Variants in PTPRN2 observed in about 807,000 individuals in gnomAD.
PTPRN2 encodes the protein protein tyrosine phosphatase receptor type N2, also known as receptor-type tyrosine-protein phosphatase N2.
Under a neutral mutation model 118.8 loss-of-function variants are expected in PTPRN2, and 74 were observed. That is an observed-to-expected ratio of 0.62 (90% CI 0.52 to 0.76). The LOEUF is 0.76. Among genes scored for constraint, PTPRN2 ranks in the 30% least tolerant of loss-of-function variants. The pLI, the probability that PTPRN2 is intolerant of heterozygous loss-of-function variation, is 0.00. For missense variants in PTPRN2, 1,481 were observed against 1,394.4 expected, an observed-to-expected ratio of 1.06 and a Z score of -0.99; for synonymous variants, 641 against 608.0, an observed-to-expected ratio of 1.05 and a Z score of -0.80.
intron 12 of PTPRN2, among the ~76,000 whole-genome samples, chr7:157,757,522 G>A (rs939938343): frequency 1.3e-4 from 20 of 152,066 alleles, no homozygotes; most frequent in African/African-American, 4.8e-4. Context: ...TTTGGATACG[G>A]GCAGAGGAAG....
At chr7:158,209,337 T>C (rs990249196) in intron 3 of PTPRN2, among the ~76,000 whole-genome samples, 1 of 151,362 alleles carries the variant, frequency 6.6e-6, no homozygotes, top group African/African-American at 2.4e-5. Context: ...AAATATAGAC[T>C]AAAAAGAAAG....
chr7:157,570,153 G>A (rs1000976130), intron 20 of PTPRN2, among the ~76,000 whole-genome samples: 1 of 152,252 alleles, frequency 6.6e-6, no homozygotes, highest in Non-Finnish European at 1.5e-5. Context: ...AGAGGCGGTC[G>A]GCCTGGGCCG....
intron 5 of PTPRN2, among the ~76,000 whole-genome samples, chr7:158,189,439 C>T (rs377084252): frequency 4.3e-4 from 65 of 152,362 alleles, no homozygotes; most frequent in East Asian, 1.9e-3. Context: ...GGTGACGACT[C>T]GCTCACTGGC....
At chr7:157,765,874 ATTACT>A (rs1802437826) in intron 12 of PTPRN2, among the ~76,000 whole-genome samples, 1 of 70,054 alleles carries the variant, frequency 1.4e-5, no homozygotes, top group African/African-American at 7.8e-5. Context: ...TCCATCCATC[ATTACT>A]CCATCCATCC....
intron 12 of PTPRN2, among the ~76,000 whole-genome samples, chr7:157,800,977 A>G (rs886938305): frequency 6.6e-6 from 1 of 151,128 alleles, no homozygotes; most frequent in Non-Finnish European, 1.5e-5. Flanking sequence ...ATACATATAT[A>G]TATATACACA....
At chr7:158,078,236 G>A (rs150236398) in intron 11 of PTPRN2, among the ~76,000 whole-genome samples, 68 of 152,176 alleles carry the variant, frequency 4.5e-4, no homozygotes, top group African/African-American at 1.3e-3. Flanking sequence ...GAATTCTACC[G>A]CCAGGGTGAT....
intron 18 of PTPRN2, 110 bp downstream of exon 18, chr7:157,577,911 C>A: frequency 7.3e-7 from 1 of 1,362,968 alleles, no homozygotes. Flanking sequence ...TGCGCTGAGC[C>A]TCCCTGCATG....
intron 12 of PTPRN2, among the ~76,000 whole-genome samples, chr7:157,766,210 T>TCCAC (rs537772261): frequency 0.012 from 1,722 of 146,526 alleles, 77 homozygotes; most frequent in South Asian, 0.074. Context: ...CATCCATCCA[T>TCCAC]CCACCCACAC....
chr7:158,471,852 G>A (rs982421409), intron 2 of PTPRN2, among the ~76,000 whole-genome samples: 15 of 152,236 alleles, frequency 9.9e-5, no homozygotes, highest in Admixed American at 3.9e-4. Context: ...CGGCCCCAGG[G>A]CCCCTCTCAG....
At chr7:157,742,213 G>T (rs77315799) in intron 12 of PTPRN2, among the ~76,000 whole-genome samples, 2,036 of 152,344 alleles carry the variant, frequency 0.013, 82 homozygotes, top group South Asian at 0.12. Context: ...TTTTGCATAT[G>T]TAGATGGAGA....
At chr7:157,788,292 T>C (rs1804203126) in intron 12 of PTPRN2, among the ~76,000 whole-genome samples, 1 of 149,804 alleles carries the variant, frequency 6.7e-6, no homozygotes, top group African/African-American at 2.5e-5. Flanking sequence ...GGAGATTCAC[T>C]TGAACCTGGG....
chr7:158,394,440 C>T (rs75578722), intron 2 of PTPRN2, among the ~76,000 whole-genome samples: 4,599 of 152,326 alleles, frequency 0.03, 87 homozygotes, highest in Middle Eastern at 0.082. Flanking sequence ...TCCCAGCCTG[C>T]GACGGGGATG....
intron 11 of PTPRN2, among the ~76,000 whole-genome samples, chr7:158,004,635 A>G (rs553147419): frequency 6.6e-6 from 1 of 152,334 alleles, no homozygotes; most frequent in South Asian, 2.1e-4. Flanking sequence ...GTGTGCTTAT[A>G]TGGAAAATAT....
intron 2 of PTPRN2, among the ~76,000 whole-genome samples, chr7:158,481,589 G>A (rs995192026): frequency 4.6e-5 from 7 of 152,262 alleles, no homozygotes; most frequent in South Asian, 2.1e-4. Context: ...TCAGCCTCCC[G>A]CATAGCTGGG....
chr7:158,267,275 G>A (rs890812362), intron 3 of PTPRN2, among the ~76,000 whole-genome samples: 1 of 152,170 alleles, frequency 6.6e-6, no homozygotes, highest in African/African-American at 2.4e-5. Context: ...GCTGGGTGCT[G>A]GAGTTGACCG....
intron 12 of PTPRN2, among the ~76,000 whole-genome samples, chr7:157,772,860 T>A (rs55667467): frequency 6.6e-6 from 1 of 152,262 alleles, no homozygotes; most frequent in Admixed American, 6.5e-5. Context: ...CATGTGCTGC[T>A]AGGCCACGGG....
intron 12 of PTPRN2, among the ~76,000 whole-genome samples, chr7:157,684,985 A>G (rs1044363789): frequency 6.6e-6 from 1 of 151,622 alleles, no homozygotes; most frequent in Admixed American, 6.6e-5. Flanking sequence ...TGCCCACCCC[A>G]GGGTCCATGT....
At chr7:158,084,246 T>C (rs1052465807) in intron 10 of PTPRN2, among the ~76,000 whole-genome samples, 2 of 152,120 alleles carry the variant, frequency 1.3e-5, no homozygotes, top group South Asian at 4.1e-4. Context: ...CAAGAAGAAC[T>C]TGCCCTGGCA....
At chr7:158,075,967 C>A (rs149625362) in intron 11 of PTPRN2, among the ~76,000 whole-genome samples, 1 of 152,200 alleles carries the variant, frequency 6.6e-6, no homozygotes, top group Non-Finnish European at 1.5e-5. Flanking sequence ...ACTGCTCTGG[C>A]GCTGTTTCTC....
Sources: gnomAD v4.1 joint callset for allele counts (sites outside exome capture counted in the v4.1 genomes callset) on GRCh38, gnomAD v4.1.1 for gene constraint, MANE v1.5 for transcripts, NCBI Gene and HGNC (gene_info 2026-07-23, HGNC 2026-07-21) for gene names.